The following CHLSN variants were observed in gnomAD, a reference collection of about 807,000 sequenced individuals.
CHLSN encodes protein cholesin.
chr7:1,127,336 T>C, the CHLSN span: 2 of 1,610,254 alleles, frequency 1.2e-6, no homozygotes, highest in Admixed American at 1.7e-5. Flanking sequence ...CTTCAGCTTT[T>C]TGTTCTTTTT....
the CHLSN span, among the ~76,000 whole-genome samples, chr7:1,000,235 G>A: frequency 6.6e-6 from 1 of 152,050 alleles, no homozygotes; most frequent in African/African-American, 2.4e-5. Flanking sequence ...GTGTGCACAG[G>A]AGACGTGCCT....
At chr7:1,132,694 T>TAA in the CHLSN span, among the ~76,000 whole-genome samples, 4,048 of 106,890 alleles carry the variant, frequency 0.038, 327 homozygotes, top group African/African-American at 0.14. Context: ...AACCTGTCTT[T>TAA]AAAAAAAAAA....
At chr7:1,001,012 G>T in the CHLSN span, among the ~76,000 whole-genome samples, 1 of 152,206 alleles carries the variant, frequency 6.6e-6, no homozygotes, top group Non-Finnish European at 1.5e-5. Flanking sequence ...GGGACGAGCA[G>T]CTCCCGGCTG....
At chr7:1,016,991 AGCG>A in the CHLSN span, among the ~76,000 whole-genome samples, 9 of 146,738 alleles carry the variant, frequency 6.1e-5, no homozygotes, top group African/African-American at 2.3e-4. Flanking sequence ...AGCGCACAGC[AGCG>A]CACAGGAGCA....
chr7:1,011,047 C>G, the CHLSN span, among the ~76,000 whole-genome samples: 10 of 151,200 alleles, frequency 6.6e-5, no homozygotes, highest in Non-Finnish European at 1.0e-4. Context: ...CCCCTACATA[C>G]AGATATATAT....
chr7:1,023,179 A>G, the CHLSN span, among the ~76,000 whole-genome samples: 1 of 152,336 alleles, frequency 6.6e-6, no homozygotes, highest in East Asian at 1.9e-4. This position sits in a 1 kb window ranked among gnomAD's most constrained non-coding sequence, Gnocchi z 5.0. Context: ...ACAGGGAGAC[A>G]CAGACGAGCA....
chr7:1,055,003 G>A, the CHLSN span, among the ~76,000 whole-genome samples: 16 of 152,166 alleles, frequency 1.1e-4, no homozygotes, highest in Non-Finnish European at 1.6e-4. Flanking sequence ...CACCAGGGGC[G>A]GCTGCATGGA....
At chr7:997,849 G>A in the CHLSN span, 50 of 1,523,898 alleles carry the variant, frequency 3.3e-5, no homozygotes, top group African/African-American at 4.1e-4. Context: ...GGGCAGGGAG[G>A]GGCCGCTGAA....
the CHLSN span, among the ~76,000 whole-genome samples, chr7:1,108,895 ATT>A: frequency 1.5e-3 from 188 of 129,446 alleles, no homozygotes; most frequent in South Asian, 0.014. Context: ...TCTCCCAGGC[ATT>A]TTTTTTTTTT....
chr7:1,016,787 A>ATGCCAGTG, the CHLSN span, among the ~76,000 whole-genome samples: 11 of 78,802 alleles, frequency 1.4e-4, no homozygotes, highest in African/African-American at 3.8e-4. Context: ...AGCGCACAGC[A>ATGCCAGTG]CACAGCAGCA....
chr7:1,028,531 T>G, the CHLSN span: 1 of 984,580 alleles, frequency 1.0e-6, no homozygotes. Context: ...CCCCCACTGC[T>G]CCTCCGACGA....
At chr7:1,001,031 G>A in the CHLSN span, among the ~76,000 whole-genome samples, 8 of 152,228 alleles carry the variant, frequency 5.3e-5, no homozygotes, top group African/African-American at 1.9e-4. Context: ...TGCTAGAGGG[G>A]CCGCTCCCCA....
the CHLSN span, among the ~76,000 whole-genome samples, chr7:1,041,330 G>GGGCTCTGCGCTGCGGGGAAGGGGA: frequency 2.4e-4 from 16 of 65,958 alleles, no homozygotes; most frequent in African/African-American, 1.2e-3. Context: ...GGGGAAGGGG[G>GGGCTCTGCGCTGCGGGGAAGGGGA]CCTGGGGTCC....
At chr7:1,040,183 T>TAAAAA in the CHLSN span, among the ~76,000 whole-genome samples, 71 of 74,514 alleles carry the variant, frequency 9.5e-4, no homozygotes, top group African/African-American at 2.9e-3. Flanking sequence ...AAAATAAATT[T>TAAAAA]AAAAAAAAAA....
chr7:1,015,974 G>A, the CHLSN span, among the ~76,000 whole-genome samples: 1 of 152,136 alleles, frequency 6.6e-6, no homozygotes, highest in African/African-American at 2.4e-5. Context: ...CGTCTGTCTG[G>A]GCAGGACCAT....
the CHLSN span, among the ~76,000 whole-genome samples, chr7:1,096,554 G>A: frequency 6.6e-6 from 1 of 152,194 alleles, no homozygotes; most frequent in Non-Finnish European, 1.5e-5. The surrounding 1 kb of genome is among the most constrained non-coding windows in gnomAD (Gnocchi z 4.6). Context: ...CAGGGCAAAT[G>A]TAATTGTTTT....
chr7:1,028,659 C>G, the CHLSN span: 2 of 904,274 alleles, frequency 2.2e-6, no homozygotes, highest in Non-Finnish European at 2.6e-6. Flanking sequence ...CCCCACCCAG[C>G]CCCTATCGTC....
At chr7:1,127,438 CAT>C in the CHLSN span, 6 of 1,516,930 alleles carry the variant, frequency 4.0e-6, no homozygotes, top group South Asian at 2.5e-5. Context: ...AGGCTTAACT[CAT>C]GTAAGATTTT....
chr7:1,036,311 C>T, the CHLSN span, among the ~76,000 whole-genome samples: 1 of 151,454 alleles, frequency 6.6e-6, no homozygotes, highest in African/African-American at 2.4e-5. Context: ...GTGCTGTGGC[C>T]GTGCAGGGTT....
Sources: allele counts gnomAD v4.1 joint callset (sites outside exome capture counted in the v4.1 genomes callset), GRCh38; gene constraint gnomAD v4.1.1; non-coding constraint Gnocchi (gnomAD v3.1); transcripts MANE v1.5; gene names NCBI Gene and HGNC (gene_info 2026-07-23, HGNC 2026-07-21).